Variants in INSL6 observed in about 807,000 individuals in gnomAD.
INSL6 encodes insulin-like peptide INSL6.
In INSL6, 16 loss-of-function variants were observed where a neutral mutation model predicts 9.4. The observed-to-expected ratio is 1.70, with a 90% CI of 1.15 to 2.59. INSL6 has a LOEUF of 2.59. INSL6 is among the 30% of genes most tolerant of loss of function. INSL6 has a pLI of 0.00. For synonymous variants in INSL6, 154 were observed against 96.9 expected (o/e 1.59, Z -3.46); for missense variants, 391 against 257.3 (o/e 1.52, Z -3.56).
chr9:5,138,875 C>A (rs1824435536), intron 2 of INSL6, among the ~76,000 whole-genome samples: 1 of 151,670 alleles, frequency 6.6e-6, no homozygotes, highest in Non-Finnish European at 1.5e-5. Context: ...CCCAAGTACT[C>A]TTCTGTCGGG....
At chr9:5,108,550 T>A in the INSL6 span, 1 of 152,082 alleles carries the variant, frequency 6.6e-6, no homozygotes, top group Admixed American at 6.5e-5. Flanking sequence ...ATAACTCTAT[T>A]CGGACTTCAC....
At chr9:5,020,146 C>T in the INSL6 span, among the ~76,000 whole-genome samples, 1 of 152,050 alleles carries the variant, frequency 6.6e-6, no homozygotes, top group Non-Finnish European at 1.5e-5. Context: ...TCTGGCTGTC[C>T]AGTTGTCTGT....
chr9:5,029,109 G>T, the INSL6 span, among the ~76,000 whole-genome samples: 3 of 152,146 alleles, frequency 2.0e-5, no homozygotes, highest in Non-Finnish European at 4.4e-5. Flanking sequence ...TTGATTTAAA[G>T]TGAGAGATAT....
chr9:5,014,212 C>T, the INSL6 span, among the ~76,000 whole-genome samples: 3 of 148,306 alleles, frequency 2.0e-5, no homozygotes, highest in African/African-American at 7.5e-5. Flanking sequence ...CTATGTTGCC[C>T]AGGCTGGACT....
intron 1 of INSL6, among the ~76,000 whole-genome samples, chr9:5,168,082 C>G (rs1825094884): frequency 6.6e-6 from 1 of 152,094 alleles, no homozygotes; most frequent in African/African-American, 2.4e-5. Flanking sequence ...GGTCATTGGC[C>G]TCAAAGATCA....
chr9:5,104,771 C>T, the INSL6 span, among the ~76,000 whole-genome samples: 4 of 152,134 alleles, frequency 2.6e-5, no homozygotes, highest in South Asian at 4.1e-4. Flanking sequence ...AATCAATAAA[C>T]GTAATCCATA....
At chr9:5,147,333 C>T (rs1280684787) in intron 2 of INSL6, among the ~76,000 whole-genome samples, 1 of 152,170 alleles carries the variant, frequency 6.6e-6, no homozygotes, top group African/African-American at 2.4e-5. Flanking sequence ...GGGTCGACTG[C>T]AGCTTGCTGG....
At chr9:5,006,011 T>G in the INSL6 span, among the ~76,000 whole-genome samples, 1 of 152,208 alleles carries the variant, frequency 6.6e-6, no homozygotes, top group Non-Finnish European at 1.5e-5. Context: ...TTTAAAGTAG[T>G]TTTTTCCAAT....
chr9:5,069,203 C>G, the INSL6 span: 21 of 1,595,286 alleles, frequency 1.3e-5, no homozygotes, highest in Non-Finnish European at 1.8e-5. Flanking sequence ...CCCCCAAAGC[C>G]AAAAGGTAAG....
downstream of INSL6, among the ~76,000 whole-genome samples, chr9:5,120,957 G>C (rs575493737): frequency 7.9e-5 from 12 of 152,180 alleles, no homozygotes; most frequent in South Asian, 1.5e-3. Context: ...TAAAAGTCTG[G>C]AGCACTAAAC....
chr9:4,998,253 G>T, the INSL6 span, among the ~76,000 whole-genome samples: 1 of 151,936 alleles, frequency 6.6e-6, no homozygotes, highest in African/African-American at 2.4e-5. Flanking sequence ...AAACTCCAAC[G>T]GGTTTTTTTG....
chr9:5,092,444 C>T, the INSL6 span, among the ~76,000 whole-genome samples: 5 of 152,118 alleles, frequency 3.3e-5, no homozygotes, highest in Admixed American at 6.5e-5. Flanking sequence ...AGCTTACACC[C>T]GGAAGATTTC....
the INSL6 span, among the ~76,000 whole-genome samples, chr9:5,113,096 C>T: frequency 6.6e-6 from 1 of 151,996 alleles, no homozygotes; most frequent in Non-Finnish European, 1.5e-5. Context: ...GCCCTCGCTC[C>T]CCCTGCCCCC....
At chr9:5,021,939 T>G in the INSL6 span, 2 of 1,421,400 alleles carry the variant, frequency 1.4e-6, no homozygotes, top group South Asian at 2.3e-5. Flanking sequence ...AGCCCATTTG[T>G]AACTTTATTG....
downstream of INSL6, among the ~76,000 whole-genome samples, chr9:5,123,849 G>C (rs1823794783): frequency 6.7e-6 from 1 of 148,730 alleles, no homozygotes; most frequent in African/African-American, 2.5e-5. Context: ...TTTCCATTCT[G>C]ACTGGAGTCA....
At chr9:5,138,886 T>C (rs533300873) in intron 2 of INSL6, among the ~76,000 whole-genome samples, 56 of 149,958 alleles carry the variant, frequency 3.7e-4, no homozygotes, top group African/African-American at 1.3e-3. Flanking sequence ...TTCTGTCGGG[T>C]TGTTTTTATA....
rs189003463 is a variant in INSL6, at chr9:5,134,451, G to A, written c.377-859C>T. On this transcript the variant is annotated intron_variant, in intron 2 of 3. Transcript: ENST00000649639. The stretch of plus-strand genomic sequence containing the variant: ...TAAGGGCATCCAGAGAGAAAGGTCG[G>A]GTTACCCACAAAGGGAAGCCCATCA... Among the ~76,000 whole-genome samples the A allele has an allele frequency of 1.1e-4, 16 of 152,262 alleles. No homozygotes were observed. In the East Asian group the frequency reaches 3.1e-3, roughly 29 times the overall value.
chr9:5,139,469 G>A (rs559364166), intron 2 of INSL6, among the ~76,000 whole-genome samples: 1 of 152,244 alleles, frequency 6.6e-6, no homozygotes, highest in East Asian at 1.9e-4. Flanking sequence ...TGAACTGGAT[G>A]ACTTTTGCCT....
At chr9:5,014,148 CT>C in the INSL6 span, among the ~76,000 whole-genome samples, 2 of 144,502 alleles carry the variant, frequency 1.4e-5, no homozygotes, top group African/African-American at 2.5e-5. Flanking sequence ...TTTATTATAA[CT>C]TTTATTTACT....
Sources: gnomAD v4.1 joint callset for allele counts (sites outside exome capture counted in the v4.1 genomes callset) on GRCh38, gnomAD v4.1.1 for gene constraint, MANE v1.5 for transcripts, NCBI Gene and HGNC (gene_info 2026-07-23, HGNC 2026-07-21) for gene names.